OSBP2: variants seen among roughly 807,000 people sequenced by gnomAD.
OSBP2 encodes the protein oxysterol-binding protein 2.
In OSBP2, 66 loss-of-function variants were observed where a neutral mutation model predicts 96.0. The ratio of observed to expected loss-of-function variants is 0.69; its 90% confidence interval spans 0.56 to 0.84. The LOEUF (loss-of-function observed/expected upper bound fraction) is 0.84, where lower values mean the gene tolerates loss of function less well. Among genes scored for constraint, OSBP2 ranks in the 40% least tolerant of loss-of-function variants. The pLI is 0.00. For missense variants in OSBP2, 1,038 were observed against 1,222.7 expected (o/e 0.85, Z 2.25); for synonymous variants, 525 against 520.9 (o/e 1.01, Z -0.11).
intron 1 of OSBP2, among the ~76,000 whole-genome samples, chr22:30,730,252 C>T (rs972320699): frequency 3.9e-5 from 6 of 152,150 alleles, no homozygotes; most frequent in South Asian, 2.1e-4. Context: ...CGCGAGCCAC[C>T]GCACCCAGCC....
At position 30,736,261 on chromosome 22, in the gene OSBP2, G is replaced by A. The variant is rs551676419; in HGVS notation, c.645-4900G>A. Among the ~76,000 whole-genome samples the A allele has an allele frequency of 1.1e-4, 17 of 152,270 alleles. 1 individual carries two copies. In the South Asian group the frequency reaches 3.3e-3, roughly 30 times the overall value. On this transcript the variant is annotated intron_variant, in intron 1 of 13. Transcript: ENST00000332585. ...ATTGAATTCATTGGCTTCTTTATTA[G>A]CATTGGTTTTCTTCACAGGTTTTGA...
chr22:30,713,245 A>AT (rs534110316), intron 1 of OSBP2, among the ~76,000 whole-genome samples: 1,957 of 151,488 alleles, frequency 0.013, 55 homozygotes, highest in South Asian at 0.12. Flanking sequence ...CGCCCGGCTA[A>AT]TTTTTTCTAT....
At chr22:30,740,491 G>A (rs1015741152) in intron 1 of OSBP2, among the ~76,000 whole-genome samples, 6 of 152,176 alleles carry the variant, frequency 3.9e-5, no homozygotes, top group African/African-American at 7.2e-5. Context: ...GGTCTGCTTC[G>A]GGAAAGGGCT....
chr22:30,866,716 G>C (rs894618096), intron 2 of OSBP2, among the ~76,000 whole-genome samples: 1 of 151,070 alleles, frequency 6.6e-6, no homozygotes. Context: ...CAGCCTGGGC[G>C]ACAGCGCGAG....
At chr22:30,780,524 G>C (rs1249933071) in intron 2 of OSBP2, among the ~76,000 whole-genome samples, 2 of 152,196 alleles carry the variant, frequency 1.3e-5, no homozygotes, top group African/African-American at 4.8e-5. Flanking sequence ...TTGAGATGGA[G>C]TCTCACTCTG....
intron 1 of OSBP2, among the ~76,000 whole-genome samples, chr22:30,734,871 T>C (rs571025018): frequency 7.2e-5 from 11 of 152,154 alleles, no homozygotes; most frequent in Non-Finnish European, 1.5e-4. Flanking sequence ...TTCCAAATAA[T>C]GTAGAAAGAT....
At chr22:30,859,117 C>T (rs2039153090) in intron 2 of OSBP2, among the ~76,000 whole-genome samples, 1 of 152,014 alleles carries the variant, frequency 6.6e-6, no homozygotes, top group South Asian at 2.1e-4. Context: ...GCATTGATAC[C>T]TAGAGGCAGC....
chr22:30,852,242 C>T (rs1231661364), intron 2 of OSBP2, among the ~76,000 whole-genome samples: 1 of 152,120 alleles, frequency 6.6e-6, no homozygotes, highest in African/African-American at 2.4e-5. Flanking sequence ...TGTATTATTT[C>T]TTCCTTAAAC....
In OSBP2 at chr22:30,870,656, C is replaced by T. The variant is rs201306954; in HGVS notation, c.1081C>T (p.Arg361Cys). ...GGTGAATGAGCGGGCCACCCTCTTCCGCATCACATCCAATGCTATGATCAA... is the reference window on the plus strand; with the variant it reads ...GGTGAATGAGCGGGCCACCCTCTTCTGCATCACATCCAATGCTATGATCAA... ...KVVNERATLF[R>C]ITSNAMINAC... The change falls in exon 3 of 14, where the codon CGC becomes TGC. Residue 361 changes from arginine to cysteine, a missense_variant. Arg to Cys is a radical substitution (Grantham distance 180). Transcript: ENST00000332585. The surrounding 1 kb of genome is among the most constrained non-coding windows in gnomAD (Gnocchi z 4.1). 42 of 1,613,640 alleles carry T rather than the reference C, an allele frequency of 2.6e-5. No homozygotes were observed. The highest frequency in any genetic ancestry group is 4.5e-5 in the East Asian group (2 of 44,868).
intron 2 of OSBP2, among the ~76,000 whole-genome samples, chr22:30,811,173 C>T (rs534952306): frequency 2.7e-5 from 4 of 148,544 alleles, no homozygotes; most frequent in African/African-American, 9.8e-5. Context: ...AACCCCCCCC[C>T]CACACATACA....
chr22:30,832,394 G>A (rs918790664), intron 2 of OSBP2, among the ~76,000 whole-genome samples: 3 of 150,878 alleles, frequency 2.0e-5, no homozygotes, highest in South Asian at 2.1e-4. Flanking sequence ...CATCTCAAGC[G>A]ATCCTCCCAC....
At chr22:30,896,932 G>A (rs1167599031) in intron 12 of OSBP2, among the ~76,000 whole-genome samples, 1 of 152,122 alleles carries the variant, frequency 6.6e-6, no homozygotes, top group Non-Finnish European at 1.5e-5. Context: ...ATAGGCACAA[G>A]CCACCATGCC....
intron 1 of OSBP2, among the ~76,000 whole-genome samples, chr22:30,739,932 C>T (rs1372587993): frequency 6.6e-6 from 1 of 151,926 alleles, no homozygotes; most frequent in African/African-American, 2.4e-5. Context: ...CTCTGCCTCC[C>T]CGGTCCTGGT....
At chr22:30,754,730 G>A (rs2090120526) in intron 2 of OSBP2, among the ~76,000 whole-genome samples, 1 of 152,188 alleles carries the variant, frequency 6.6e-6, no homozygotes, top group Admixed American at 6.5e-5. Context: ...GTCTCCATGT[G>A]TGTCTGACTT....
At chr22:30,817,500 G>C (rs999066429) in intron 2 of OSBP2, among the ~76,000 whole-genome samples, 1 of 152,216 alleles carries the variant, frequency 6.6e-6, no homozygotes, top group Non-Finnish European at 1.5e-5. Flanking sequence ...CATCTGTGTG[G>C]TATCATCAAG....
At chr22:30,736,113 C>CA (rs1469674374) in intron 1 of OSBP2, among the ~76,000 whole-genome samples, 1 of 151,986 alleles carries the variant, frequency 6.6e-6, no homozygotes, top group East Asian at 1.9e-4. Flanking sequence ...GGGGTTTCAC[C>CA]ATGTTGTCCA....
chr22:30,886,190 G>A lies in OSBP2; in HGVS notation c.1108-1236G>A, dbSNP rs569892800. Among the ~76,000 whole-genome samples, 5 of 152,334 alleles carry A rather than the reference G, an allele frequency of 3.3e-5. No homozygotes were observed. In the East Asian group the frequency reaches 9.6e-4, roughly 29 times the overall value. On this transcript the variant is annotated intron_variant, in intron 3 of 13. Transcript: ENST00000332585. ...TTTTATATATTTTAGGGAGGCATGA[G>A]GCAGCAATCAAATACATTTAAGAAA...
At chr22:30,812,642 A>G (rs1337085089) in intron 2 of OSBP2, among the ~76,000 whole-genome samples, 1 of 152,226 alleles carries the variant, frequency 6.6e-6, no homozygotes, top group Non-Finnish European at 1.5e-5. Flanking sequence ...ATAGATTTCT[A>G]GAAGTGGAAT....
At position 30,777,731 on chromosome 22, in the gene OSBP2, G is replaced by A. The variant is rs1438934504; in HGVS notation, c.853+36362G>A. Among the ~76,000 whole-genome samples, 5 of 152,132 alleles carry A rather than the reference G, an allele frequency of 3.3e-5. No individual in the cohort carries two copies. The East Asian group carries it at 7.7e-4, about 24-fold the overall frequency. On this transcript the variant is annotated intron_variant, in intron 2 of 13. Transcript: ENST00000332585. ...CAGCGCATGCAGCCCTCCTGCTAAG[G>A]GAGGGCCAGGAGCAGTCAGGGAGAG... is the stretch of plus-strand genomic sequence containing the variant.
Sources: allele counts gnomAD v4.1 joint callset (sites outside exome capture counted in the v4.1 genomes callset), GRCh38; gene constraint gnomAD v4.1.1; non-coding constraint Gnocchi (gnomAD v3.1); transcripts MANE v1.5; gene names NCBI Gene and HGNC (gene_info 2026-07-23, HGNC 2026-07-21).